DAB2: variants seen among roughly 807,000 people sequenced by gnomAD.
DAB2 encodes disabled homolog 2.
A neutral mutation model predicts 71.6 loss-of-function variants in DAB2; 28 were observed. The observed-to-expected ratio is 0.39, with a 90% CI of 0.29 to 0.54. DAB2 has a LOEUF of 0.54. Among genes scored for constraint, DAB2 ranks in the 20% least tolerant of loss-of-function variants. The pLI is 0.68. For synonymous variants in DAB2, 345 were observed against 339.7 expected (o/e 1.02, Z -0.17); for missense variants, 867 against 928.8 (o/e 0.93, Z 0.86).
At chr5:39,381,120 C>T (rs1754970707) in intron 11 of DAB2, among the ~76,000 whole-genome samples, 2 of 152,324 alleles carry the variant, frequency 1.3e-5, no homozygotes, top group South Asian at 4.1e-4. Context: ...AGACAAGCCT[C>T]TCTTATGTCA....
rs764065195 is a variant in DAB2 at position 39,382,839 on chromosome 5, C to T, written c.1120G>A (p.Ala374Thr). 6.2e-7 allele frequency: 1 copy of T among 1,614,156 alleles called. No individual in the cohort carries two copies. The highest frequency in any genetic ancestry group is 8.5e-7 in the Non-Finnish European group (1 of 1,180,034). Reference protein sequence around the residue: ...WPFSSSQTQPAVRTQNGVSER... With the variant: ...WPFSSSQTQPTVRTQNGVSER... ...GATACCCCATTTTGAGTTCTCACTG[C>T]TGGCTGGGTTTGCGAACTTGAAAAG... The change falls in exon 10 of 15, where the codon GCA (alanine) becomes ACA (threonine). Residue 374 changes from alanine (A) to threonine (T), a missense_variant. Ala to Thr is a moderately conservative substitution (Grantham distance 58). This residue lies in a region of DAB2 where 740 missense variants were observed against 734.3 expected (regional missense o/e 1.01). Transcript: ENST00000320816.
chr5:39,382,384 A>G (rs1579902906), intron 10 of DAB2, among the ~76,000 whole-genome samples: 1 of 152,242 alleles, frequency 6.6e-6, no homozygotes, highest in African/African-American at 2.4e-5. Flanking sequence ...TAGTTTAATC[A>G]TAAGTGACAA....
rs1016742975 is a variant in DAB2 at position 39,371,994 on chromosome 5, C to G, written c.*1437G>C. 4 of 152,130 alleles carry G rather than the reference C, an allele frequency of 2.6e-5. No homozygotes were observed. The highest frequency in any genetic ancestry group is 5.9e-5 in the Non-Finnish European group (4 of 68,026). The allele number at this position is 152,130 out of a possible 1,614,324, so 9.4% of individuals were successfully genotyped here. A position where few individuals can be genotyped will look rare whatever the true frequency, so the allele number is the denominator to read the frequency against. ...GGCTAATCAATAGAGGGTCATGTGG[C>G]CCCTGTCTTGTTTAGCTTCTGAGCA... On this transcript the variant is annotated 3_prime_UTR_variant, in exon 15 of 15. Transcript: ENST00000320816.
chr5:39,401,977 C>G (rs1755513370), intron 1 of DAB2, among the ~76,000 whole-genome samples: 1 of 152,062 alleles, frequency 6.6e-6, no homozygotes, highest in South Asian at 2.1e-4. Flanking sequence ...AACGGACTCA[C>G]AGTTCCACGT....
chr5:39,420,631 C>T (rs1163798219), intron 1 of DAB2, among the ~76,000 whole-genome samples: 1 of 152,148 alleles, frequency 6.6e-6, no homozygotes, highest in Non-Finnish European at 1.5e-5. Flanking sequence ...GAGGTAGTAA[C>T]TTTTAGGTTC....
intron 1 of DAB2, among the ~76,000 whole-genome samples, chr5:39,412,144 T>C (rs1414117499): frequency 6.6e-6 from 1 of 152,134 alleles, no homozygotes; most frequent in Admixed American, 6.5e-5. Flanking sequence ...ACAAATGTCT[T>C]TGACTCTTAA....
At chr5:39,387,499 T>C (rs1168055664) in intron 9 of DAB2, among the ~76,000 whole-genome samples, 2 of 152,152 alleles carry the variant, frequency 1.3e-5, no homozygotes, top group African/African-American at 4.8e-5. Flanking sequence ...GTAAATTCCA[T>C]GATGTCATTG....
chr5:39,390,042 C>G, intron 5 of DAB2, 110 bp from the exon 6 acceptor site: 1 of 752,716 alleles, frequency 1.3e-6, no homozygotes. Context: ...TCTTAAAACG[C>G]CTTACTACCC....
chr5:39,406,190 T>A (rs1755606045), intron 1 of DAB2, among the ~76,000 whole-genome samples: 1 of 151,914 alleles, frequency 6.6e-6, no homozygotes, highest in Admixed American at 6.6e-5. Context: ...AGGTAGGCAG[T>A]CTTAACTAAA....
chr5:39,389,541 C>T (rs1455544864), intron 6 of DAB2, among the ~76,000 whole-genome samples: 2 of 152,110 alleles, frequency 1.3e-5, no homozygotes, highest in African/African-American at 4.8e-5. Context: ...GACAGAGTCT[C>T]GTTCTGTCGC....
chr5:39,415,434 A>G (rs1213543479), intron 1 of DAB2, among the ~76,000 whole-genome samples: 1 of 152,180 alleles, frequency 6.6e-6, no homozygotes, highest in Non-Finnish European at 1.5e-5. Context: ...TCAGTCTGGC[A>G]TTCACTTAAG....
chr5:39,390,340 C>T, intron 5 of DAB2, 104 bp downstream of exon 5: 2 of 1,372,676 alleles, frequency 1.5e-6, no homozygotes, highest in South Asian at 1.4e-5. Flanking sequence ...TTATTTAGCC[C>T]TCTTACATCC....
chr5:39,402,758 G>A (rs1379148332), intron 1 of DAB2, among the ~76,000 whole-genome samples: 1 of 152,114 alleles, frequency 6.6e-6, no homozygotes, highest in African/African-American at 2.4e-5. Flanking sequence ...AAAGTGAGAT[G>A]GTTTGCCAGT....
At chr5:39,398,662 C>T (rs1296024629) in intron 1 of DAB2, among the ~76,000 whole-genome samples, 5 of 152,010 alleles carry the variant, frequency 3.3e-5, no homozygotes, top group African/African-American at 7.2e-5. Context: ...GCTTACAGGC[C>T]CCAAGACTAC....
chr5:39,402,471 C>T (rs1225587927), intron 1 of DAB2, among the ~76,000 whole-genome samples: 1 of 152,120 alleles, frequency 6.6e-6, no homozygotes, highest in Non-Finnish European at 1.5e-5. Context: ...GGCTGGAGTG[C>T]AGTGGTGCAA....
At chr5:39,383,973 C>T (rs1755040030) in intron 9 of DAB2, among the ~76,000 whole-genome samples, 1 of 152,146 alleles carries the variant, frequency 6.6e-6, no homozygotes. Context: ...AGGATCTCAT[C>T]CTCATCATCC....
At chr5:39,384,515 T>C (rs1054754639) in intron 9 of DAB2, among the ~76,000 whole-genome samples, 1 of 152,194 alleles carries the variant, frequency 6.6e-6, no homozygotes, top group Non-Finnish European at 1.5e-5. Flanking sequence ...GGGACTATTG[T>C]ACAAGGTAGA....
chr5:39,394,139 A>C, intron 2 of DAB2, 91 bp downstream of exon 2: 1 of 1,036,272 alleles, frequency 9.6e-7, no homozygotes, highest in South Asian at 1.4e-5. Flanking sequence ...GGAAGATCAG[A>C]GCCAGCCCTT....
chr5:39,398,083 C>T lies in DAB2; in HGVS notation c.-101-3662G>A, dbSNP rs529848602. ...AGAGTCTGTTGCCCATCTTTGAAGCCGGATATCATACTTCACTGCAAGGTA... is the reference window on the plus strand; with the variant it reads ...AGAGTCTGTTGCCCATCTTTGAAGCTGGATATCATACTTCACTGCAAGGTA... On this transcript the variant is annotated intron_variant, in intron 1 of 14. Coordinates refer to ENST00000320816, the MANE Select transcript of DAB2 (RefSeq NM_001343.4). 1.2e-4 allele frequency among the ~76,000 whole-genome samples: 19 copies of T among 152,172 alleles called. 1 individual carries two copies. Among genetic ancestry groups the T allele is most frequent in the Admixed American group, 7.8e-4 (12 of 15,298 alleles).
Sources: gnomAD v4.1 joint callset for allele counts (sites outside exome capture counted in the v4.1 genomes callset) on GRCh38, gnomAD v4.1.1 for gene constraint, gnomAD v4.1.1 regional missense constraint, MANE v1.5 for transcripts, NCBI Gene and HGNC (gene_info 2026-07-23, HGNC 2026-07-21) for gene names.